The following KCNIP4 variants were observed in gnomAD, a reference collection of about 807,000 sequenced individuals.
KCNIP4 encodes potassium voltage-gated channel interacting protein 4, also known as Kv channel-interacting protein 4.
In KCNIP4, 12 loss-of-function variants were observed where a neutral mutation model predicts 34.0. That is an observed-to-expected ratio of 0.35 (90% CI 0.23 to 0.57). KCNIP4 has a LOEUF of 0.57. KCNIP4 is among the 20% of genes least tolerant of loss of function. The pLI is 0.83. For synonymous variants in KCNIP4, 124 were observed against 102.2 expected, an observed-to-expected ratio of 1.21 and a Z score of -1.29; for missense variants, 238 against 311.7, an observed-to-expected ratio of 0.76 and a Z score of 1.78.
In KCNIP4 at chr4:21,187,934, C is replaced by T. The variant is rs1252544351; in HGVS notation, c.62-305225G>A. Among the ~76,000 whole-genome samples the T allele has an allele frequency of 5.9e-5, 9 of 152,270 alleles. No individual in the cohort carries two copies. In the East Asian group the frequency reaches 1.5e-3, roughly 26 times the overall value. ...GACAGATAACTTTGGGAAAGTCACT[C>T]AATTTTTCTGAACTTCAGTTTTATC... is the stretch of plus-strand genomic sequence containing the variant. On this transcript the variant is annotated intron_variant, in intron 1 of 8. Transcript: ENST00000382152.
chr4:21,071,479 T>C (rs1285389220), intron 1 of KCNIP4, among the ~76,000 whole-genome samples: 1 of 152,172 alleles, frequency 6.6e-6, no homozygotes, highest in Non-Finnish European at 1.5e-5. Context: ...ACAGGACTAT[T>C]GCTATATACT....
At chr4:21,586,056 T>C (rs73252283) in intron 1 of KCNIP4, among the ~76,000 whole-genome samples, 9,937 of 152,136 alleles carry the variant, frequency 0.065, 477 homozygotes, top group African/African-American at 0.13. Flanking sequence ...AAGCACTCAC[T>C]CACACTGTGT....
At chr4:21,458,654 A>C (rs931140771) in intron 1 of KCNIP4, among the ~76,000 whole-genome samples, 1 of 151,988 alleles carries the variant, frequency 6.6e-6, no homozygotes, top group Admixed American at 6.6e-5. Context: ...TCGCTAACCT[A>C]AAAAAGCCCT....
chr4:21,768,070 A>G (rs1488042615), intron 1 of KCNIP4, among the ~76,000 whole-genome samples: 1 of 152,148 alleles, frequency 6.6e-6, no homozygotes, highest in African/African-American at 2.4e-5. Context: ...ATGGATATCA[A>G]TCTCAGTTAC....
intron 1 of KCNIP4, among the ~76,000 whole-genome samples, chr4:21,910,800 C>T (rs531358493): frequency 6.8e-4 from 104 of 152,188 alleles, no homozygotes; most frequent in African/African-American, 1.0e-3. Context: ...AAAAGTCACA[C>T]GAACTATTAT....
chr4:21,246,338 C>T (rs1007465073), intron 1 of KCNIP4, among the ~76,000 whole-genome samples: 1 of 152,166 alleles, frequency 6.6e-6, no homozygotes, highest in Non-Finnish European at 1.5e-5. Context: ...ACAGCTGTTG[C>T]AATCACGCCA....
rs190892219 is a variant in KCNIP4 at position 21,436,712 on chromosome 4, G to A, written c.61+511859C>T. Among the ~76,000 whole-genome samples, 8 of 152,212 alleles carry A rather than the reference G, an allele frequency of 5.3e-5. No individual in the cohort carries two copies. The South Asian group carries it at 6.2e-4, about 12-fold the overall frequency. ...TAAAATAGATGGACCTACTGAGATC[G>A]CCCTGAAGATTCTAAAGAGAGTTCT... On this transcript the variant is annotated intron_variant, in intron 1 of 8. Coordinates refer to ENST00000382152, the MANE Select transcript of KCNIP4 (RefSeq NM_025221.6).
At chr4:21,888,075 G>A (rs1726889529) in intron 1 of KCNIP4, among the ~76,000 whole-genome samples, 1 of 152,000 alleles carries the variant, frequency 6.6e-6, no homozygotes, top group African/African-American at 2.4e-5. Context: ...TATGACTTAT[G>A]TATTATTAGG....
chr4:21,633,298 A>G (rs1745891074), intron 1 of KCNIP4, among the ~76,000 whole-genome samples: 1 of 152,122 alleles, frequency 6.6e-6, no homozygotes, highest in East Asian at 1.9e-4. Context: ...CTTTTTGGAC[A>G]TATAGTTGAG....
chr4:21,646,127 T>C (rs961182166), intron 1 of KCNIP4, among the ~76,000 whole-genome samples: 4 of 152,154 alleles, frequency 2.6e-5, no homozygotes, highest in African/African-American at 9.7e-5. Context: ...TCCTTCATTG[T>C]CTTGATTTCT....
intron 1 of KCNIP4, among the ~76,000 whole-genome samples, chr4:21,091,136 A>T (rs1160402316): frequency 1.3e-5 from 2 of 152,188 alleles, no homozygotes; most frequent in Non-Finnish European, 2.9e-5. Flanking sequence ...CTCATGCATC[A>T]TTCTCATAAA....
intron 1 of KCNIP4, among the ~76,000 whole-genome samples, chr4:20,942,924 G>A (rs1461405920): frequency 1.3e-5 from 2 of 151,918 alleles, no homozygotes; most frequent in South Asian, 2.1e-4. Context: ...CACCTGCCTC[G>A]GCCTCTCAAA....
At chr4:21,153,277 A>G (rs1029104551) in intron 1 of KCNIP4, among the ~76,000 whole-genome samples, 26 of 152,016 alleles carry the variant, frequency 1.7e-4, no homozygotes, top group Non-Finnish European at 2.9e-4. Context: ...AAAAGTATTT[A>G]TTTTCCTGAA....
chr4:21,025,612 G>C lies in KCNIP4; in HGVS notation c.62-142903C>G, dbSNP rs1486538462. Among the ~76,000 whole-genome samples, 4 of 124,832 alleles carry C rather than the reference G, an allele frequency of 3.2e-5. No homozygotes were observed. The South Asian group carries it at 1.1e-3, about 34-fold the overall frequency. 81.9% of individuals were successfully genotyped at this position (124,832 alleles called of 152,430 possible). The stretch of plus-strand genomic sequence containing the variant: ...TCTGTTGCCCAGGCTAGAGTGCAGT[G>C]GTGCGATTTCGCCTCACTGCCAGCT... On this transcript the variant is annotated intron_variant, in intron 1 of 8. Transcript: ENST00000382152.
intron 3 of KCNIP4, among the ~76,000 whole-genome samples, chr4:20,821,060 A>C (rs534881621): frequency 6.6e-6 from 1 of 152,166 alleles, no homozygotes; most frequent in Non-Finnish European, 1.5e-5. Flanking sequence ...CAGAGCCTCT[A>C]CTAGGGTAAT....
chr4:21,703,313 C>A (rs1713012640), intron 1 of KCNIP4, among the ~76,000 whole-genome samples: 1 of 152,046 alleles, frequency 6.6e-6, no homozygotes, highest in South Asian at 2.1e-4. Flanking sequence ...TAAAATCTTT[C>A]CATTTGCTGA....
chr4:21,421,083 A>G (rs751639587), intron 1 of KCNIP4, among the ~76,000 whole-genome samples: 13 of 152,332 alleles, frequency 8.5e-5, no homozygotes, highest in Admixed American at 5.2e-4. Context: ...AACCACAATA[A>G]TATATCACTT....
intron 3 of KCNIP4, among the ~76,000 whole-genome samples, chr4:20,787,402 T>C (rs1017302180): frequency 2.6e-5 from 4 of 152,192 alleles, no homozygotes; most frequent in East Asian, 1.9e-4. Flanking sequence ...TACTGTATTA[T>C]ATTTCTGATG....
chr4:21,427,313 GT>G (rs1280699272), intron 1 of KCNIP4, among the ~76,000 whole-genome samples: 1 of 142,882 alleles, frequency 7.0e-6, no homozygotes, highest in Non-Finnish European at 1.5e-5. Context: ...GAATAAATAT[GT>G]AAAAAAAAAA....
Sources: allele counts gnomAD v4.1 joint callset (sites outside exome capture counted in the v4.1 genomes callset), GRCh38; gene constraint gnomAD v4.1.1; transcripts MANE v1.5; gene names NCBI Gene and HGNC (gene_info 2026-07-23, HGNC 2026-07-21).